The following CDC37L1 variants were observed in gnomAD, a reference collection of about 807,000 sequenced individuals.
The protein encoded by CDC37L1 is cell division cycle 37 like 1, HSP90 cochaperone.
Under a neutral mutation model 45.9 loss-of-function variants are expected in CDC37L1, and 32 were observed. The observed-to-expected ratio is 0.70, with a 90% CI of 0.53 to 0.94. The LOEUF (loss-of-function observed/expected upper bound fraction) is 0.94, where lower values mean the gene tolerates loss of function less well. CDC37L1 is among the 40% of genes least tolerant of loss of function. The pLI is 0.00. For missense variants in CDC37L1, 434 were observed against 405.7 expected (o/e 1.07, Z -0.60); for synonymous variants, 150 against 133.0 (o/e 1.13, Z -0.88).
chr9:4,698,973 A>C lies in CDC37L1; in HGVS notation c.747+1094A>C, dbSNP rs1563772028. 6.6e-5 allele frequency among the ~76,000 whole-genome samples: 10 copies of C among 152,286 alleles called. No homozygotes were observed. The South Asian group carries it at 2.1e-3, about 32-fold the overall frequency. On this transcript the variant is annotated intron_variant, in intron 5 of 6. Transcript: ENST00000381854. ...TTTAAATAAAAATGTTATTAATGGT[A>C]GTGTAATGAGTTTGTCATTGTTATT...
rs763517846 is a variant in CDC37L1, at chr9:4,706,336, A to G, written c.*224A>G. The G allele has an allele frequency of 6.7e-6, 2 of 300,330 alleles. No individual in the cohort carries two copies. Among genetic ancestry groups the G allele is most frequent in the Non-Finnish European group, 6.2e-6 (1 of 161,798 alleles). 18.6% of individuals were successfully genotyped at this position (300,330 alleles called of 1,614,324 possible). A position where few individuals can be genotyped will look rare whatever the true frequency, so the allele number is the denominator to read the frequency against. ...TGGTACCATATGTTGCAGGAAGTCA[A>G]ACTGGACTTTTTGTGGCTACTAAAT... On this transcript the variant is annotated 3_prime_UTR_variant, in exon 7 of 7. Coordinates refer to ENST00000381854, the MANE Select transcript of CDC37L1 (RefSeq NM_017913.4).
rs937013701 is a variant in CDC37L1 at position 4,696,973 on chromosome 9, C to G, written c.509-123C>G. 1.5e-5 allele frequency: 9 copies of G among 593,512 alleles called. No individual in the cohort carries two copies. The African/African-American group carries it at 1.5e-4, about 10-fold the overall frequency. 36.8% of individuals were successfully genotyped at this position (593,512 alleles called of 1,614,324 possible). A position where few individuals can be genotyped will look rare whatever the true frequency, so the allele number is the denominator to read the frequency against. Reference sequence around the variant, plus strand: ...CTGTTGCTCTGGTAATATGAATTGTCTTTAAAGAGAATCATTTAAAAATAC... The same window carrying G: ...CTGTTGCTCTGGTAATATGAATTGTGTTTAAAGAGAATCATTTAAAAATAC... On this transcript the variant is annotated intron_variant, in intron 3 of 6. Transcript: ENST00000381854.
At chr9:4,682,105 A>G (rs933539540) in intron 1 of CDC37L1, among the ~76,000 whole-genome samples, 1 of 151,776 alleles carries the variant, frequency 6.6e-6, no homozygotes, top group Non-Finnish European at 1.5e-5. Context: ...AAAATGCAAG[A>G]TAATTTCTAT....
At chr9:4,696,561 C>A (rs1841349991) in intron 3 of CDC37L1, among the ~76,000 whole-genome samples, 2 of 152,030 alleles carry the variant, frequency 1.3e-5, no homozygotes, top group African/African-American at 4.8e-5. Context: ...AAAAAGTCAA[C>A]ACTTTGCTGG....
intron 5 of CDC37L1, among the ~76,000 whole-genome samples, chr9:4,699,126 G>A (rs1041120275): frequency 1.3e-5 from 2 of 152,238 alleles, no homozygotes; most frequent in Middle Eastern, 3.4e-3. Context: ...GAACTGCTGC[G>A]CTAGAGAAAC....
intron 3 of CDC37L1, among the ~76,000 whole-genome samples, chr9:4,693,431 A>G: frequency 6.6e-6 from 1 of 152,160 alleles, no homozygotes; most frequent in Non-Finnish European, 1.5e-5. Flanking sequence ...CAACAGAGGA[A>G]TAACCTGTCT....
chr9:4,704,079 G>T (rs996663532), intron 6 of CDC37L1, among the ~76,000 whole-genome samples: 1 of 152,134 alleles, frequency 6.6e-6, no homozygotes, highest in African/African-American at 2.4e-5. Context: ...CCACCTGAAA[G>T]ACCAAATCAT....
chr9:4,703,014 T>C, intron 6 of CDC37L1: 1 of 1,439,336 alleles, frequency 6.9e-7, no homozygotes, highest in Non-Finnish European at 9.3e-7. Context: ...TTTAAGTTAT[T>C]ATTAGATAAT....
At chr9:4,705,215 A>C (rs1280871686) in intron 6 of CDC37L1, among the ~76,000 whole-genome samples, 1 of 152,218 alleles carries the variant, frequency 6.6e-6, no homozygotes, top group Non-Finnish European at 1.5e-5. Flanking sequence ...AACTAGTAAT[A>C]CAAGTGGTAA....
chr9:4,705,919 C>T (rs998791037), intron 6 of CDC37L1, 92 bp from the exon 7 acceptor site: 12 of 541,612 alleles, frequency 2.2e-5, no homozygotes, highest in Non-Finnish European at 3.4e-5. Context: ...AGAAATAGGA[C>T]GGTGAAACTG....
chr9:4,701,977 T>C lies in CDC37L1; in HGVS notation c.861T>C (p.His287=), dbSNP rs77593670. Reference sequence around the variant, plus strand: ...TTCAACCTATGACAGTTCAGAATCATGTTCCCCATTCTGGTGTTGGATCTA... The same window carrying C: ...TTCAACCTATGACAGTTCAGAATCACGTTCCCCATTCTGGTGTTGGATCTA... ...QSFQPMTVQN[H]VPHSGVGSIG... is the part of the protein sequence containing the mutation. The change falls in exon 6 of 7, where the codon CAT becomes CAC. Residue 287 remains histidine, a synonymous_variant. Coordinates refer to ENST00000381854, the MANE Select transcript of CDC37L1 (RefSeq NM_017913.4). 1.1e-5 allele frequency: 17 copies of C among 1,549,284 alleles called. No homozygotes were observed. The highest frequency in any genetic ancestry group is 2.8e-5 in the African/African-American group (2 of 70,966).
At chr9:4,689,140 C>G (rs1467869385) in intron 3 of CDC37L1, among the ~76,000 whole-genome samples, 2 of 151,970 alleles carry the variant, frequency 1.3e-5, no homozygotes, top group Non-Finnish European at 2.9e-5. Context: ...CCAGAGGAGC[C>G]AGCATCTGAG....
intron 2 of CDC37L1, 82 bp from the exon 3 acceptor site, chr9:4,688,431 A>G (rs1841270668): frequency 1.3e-6 from 1 of 751,002 alleles, no homozygotes; most frequent in Admixed American, 3.5e-5. Flanking sequence ...CTATAGGAAG[A>G]ATTGCTAGAT....
chr9:4,685,097 T>C lies in CDC37L1; in HGVS notation c.353T>C (p.Val118Ala), dbSNP rs1222558837. The C allele has an allele frequency of 6.2e-7, 1 of 1,613,664 alleles. No individual in the cohort carries two copies. The highest frequency in any genetic ancestry group is 1.3e-5 in the African/African-American group (1 of 74,902). ...EEWRQKEEALVQREKMCLWST... is the reference protein window; with the variant it reads ...EEWRQKEEALAQREKMCLWST... Reference sequence around the variant, plus strand: ...TGGCGACAGAAAGAAGAAGCTCTAGTACAAAGAGAGAAGATGTGTCTGTGG... The same window carrying C: ...TGGCGACAGAAAGAAGAAGCTCTAGCACAAAGAGAGAAGATGTGTCTGTGG... The change falls in exon 2 of 7, where the codon GTA (valine) becomes GCA (alanine). Residue 118 changes from valine (V) to alanine (A), a missense_variant. Coordinates refer to ENST00000381854, the MANE Select transcript of CDC37L1 (RefSeq NM_017913.4).
intron 5 of CDC37L1, among the ~76,000 whole-genome samples, chr9:4,701,375 C>T (rs1370444858): frequency 6.6e-6 from 1 of 152,094 alleles, no homozygotes; most frequent in East Asian, 1.9e-4. Context: ...ATTTGGTTTT[C>T]GTAGCTCTTT....
Position 4,701,893 on chromosome 9 carries a change from C to G in CDC37L1, c.777C>G (p.Phe259Leu). Residue 259 changes from phenylalanine (F) to leucine (L), a missense_variant, in exon 6 of 7, where the codon TTC (phenylalanine) becomes TTG (leucine). Coordinates refer to ENST00000381854, the MANE Select transcript of CDC37L1 (RefSeq NM_017913.4). ...KAEEEGYFEAFKNELEAFKSR... is the reference protein window; with the variant it reads ...KAEEEGYFEALKNELEAFKSR... The stretch of plus-strand genomic sequence containing the variant: ...AGGAAGAAGGTTATTTTGAAGCATT[C>G]AAAAATGAACTTGAAGCTTTCAAGT... 2 of 1,601,404 alleles carry G rather than the reference C, an allele frequency of 1.2e-6. No homozygotes were observed. The highest frequency in any genetic ancestry group is 2.2e-5 in the South Asian group (2 of 89,080).
At chr9:4,692,379 G>A (rs919853885) in intron 3 of CDC37L1, among the ~76,000 whole-genome samples, 1 of 151,270 alleles carries the variant, frequency 6.6e-6, no homozygotes, top group Admixed American at 6.6e-5. Context: ...AAGCGTTCCT[G>A]CTGCCTCAGC....
chr9:4,680,354 A>AAG (rs1276724537), intron 1 of CDC37L1, among the ~76,000 whole-genome samples: 1 of 152,226 alleles, frequency 6.6e-6, no homozygotes, highest in Non-Finnish European at 1.5e-5. Context: ...AGTCCTGACA[A>AAG]AGATTTCACA....
In CDC37L1 at chr9:4,701,890, A is replaced by C. The variant is rs768510856; in HGVS notation, c.774A>C (p.Ala258=). 6.9e-6 allele frequency: 11 copies of C among 1,604,890 alleles called. No individual in the cohort carries two copies. In the East Asian group the frequency reaches 2.2e-4, roughly 33 times the overall value. ...AKAEEEGYFE[A]FKNELEAFKS... ...CAGAGGAAGAAGGTTATTTTGAAGC[A>C]TTCAAAAATGAACTTGAAGCTTTCA... Residue 258 remains alanine (A), a synonymous_variant, in exon 6 of 7, where the codon GCA becomes GCC. Transcript: ENST00000381854.
Sources: gnomAD v4.1 joint callset for allele counts (sites outside exome capture counted in the v4.1 genomes callset) on GRCh38, gnomAD v4.1.1 for gene constraint, MANE v1.5 for transcripts, NCBI Gene and HGNC (gene_info 2026-07-23, HGNC 2026-07-21) for gene names.